UPF3A: variants seen among roughly 807,000 people sequenced by gnomAD.
UPF3A encodes the protein UPF3A regulator of nonsense mediated mRNA decay, also known as regulator of nonsense transcripts 3A.
UPF3A carries 42 observed loss-of-function variants against 53.5 expected under a neutral mutation model. The ratio of observed to expected loss-of-function variants is 0.78; its 90% CI spans 0.61 to 1.01. UPF3A has a LOEUF of 1.01. Ranked by LOEUF, UPF3A falls within the 50% of genes least tolerant of loss-of-function variation. The probability of loss-of-function intolerance (pLI) is 0.00; values close to 1 mark genes in which losing one functional copy is unlikely to be tolerated. For missense variants in UPF3A, 575 were observed against 598.0 expected (o/e 0.96, Z 0.40); for synonymous variants, 237 against 225.3 (o/e 1.05, Z -0.47).
At chr13:114,296,091 A>G (rs955821906) in intron 7 of UPF3A, among the ~76,000 whole-genome samples, 4 of 152,204 alleles carry the variant, frequency 2.6e-5, no homozygotes, top group African/African-American at 7.2e-5. Context: ...GCCTAAAGAC[A>G]GGGCTTCCAG....
chr13:114,282,820 GTTATCTC>G lies in UPF3A; in HGVS notation c.315-12_315-6del. The G allele has an allele frequency of 1.3e-6, 2 of 1,594,484 alleles. No individual in the cohort carries two copies. The highest frequency in any genetic ancestry group is 1.1e-5 in the South Asian group (1 of 88,816). On this transcript the variant is annotated splice_polypyrimidine_tract_variant and intron_variant, in intron 2 of 9. Coordinates refer to ENST00000375299, the MANE Select transcript of UPF3A (RefSeq NM_023011.4). ...GTATTTTTCACTGACCATTTTCACT[GTTATCTC>G]TTATTTCAGTCTTTATCCTCATCTC...
intron 9 of UPF3A, among the ~76,000 whole-genome samples, chr13:114,304,404 G>C (rs2086857306): frequency 6.6e-6 from 1 of 152,224 alleles, no homozygotes; most frequent in Non-Finnish European, 1.5e-5. Flanking sequence ...TACATGCTAG[G>C]CAGGGATAAG....
At chr13:114,294,177 T>A (rs2085585076) in intron 7 of UPF3A, among the ~76,000 whole-genome samples, 1 of 151,460 alleles carries the variant, frequency 6.6e-6, no homozygotes, top group African/African-American at 2.4e-5. Context: ...GCCTGAAAAA[T>A]GGAATCTGTG....
At position 114,281,773 on chromosome 13, in the gene UPF3A, C is replaced by T. The variant is rs765896619; in HGVS notation, c.134C>T (p.Pro45Leu). ...TCGCAGCAGCAGGAGGCTGAGACGC[C>T]GCCAACTTCGTCCTCCGGTTGCGGG... ...RDSQQQEAET[P>L]PTSSSGCGGG... The change falls in exon 1 of 10, where the codon CCG becomes CTG. Residue 45 changes from proline to leucine, a missense_variant. This residue lies in a region of UPF3A where 252 missense variants were observed against 182.7 expected (regional missense o/e 1.38). Coordinates refer to ENST00000375299, the MANE Select transcript of UPF3A (RefSeq NM_023011.4). 3.9e-6 allele frequency: 6 copies of T among 1,556,432 alleles called. No individual in the cohort carries two copies. The highest frequency in any genetic ancestry group is 5.2e-6 in the Non-Finnish European group (6 of 1,151,122).
intron 3 of UPF3A, chr13:114,283,316 G>C (rs968820198): frequency 6.4e-6 from 1 of 156,824 alleles, no homozygotes; most frequent in Non-Finnish European, 1.4e-5. Context: ...CACAGCATCC[G>C]GTCTATTTGT....
chr13:114,305,056 C>G lies in UPF3A; in HGVS notation c.*139C>G. On this transcript the variant is annotated 3_prime_UTR_variant, in exon 10 of 10. Transcript: ENST00000375299. ...AAAAATACAGAGGGTGACGTAGAAA[C>G]ACGCAGAAACCATTCTAAAGAAAGT... 1 of 1,116,642 alleles carries G rather than the reference C, an allele frequency of 9.0e-7. No individual in the cohort carries two copies. The highest frequency in any genetic ancestry group is 1.3e-6 in the Non-Finnish European group (1 of 764,082). The allele number at this position is 1,116,642 out of a possible 1,614,324, so 69.2% of individuals were successfully genotyped here. A position where few individuals can be genotyped will look rare whatever the true frequency, so the allele number is the denominator to read the frequency against.
At chr13:114,297,284 C>G (rs1026740399) in intron 7 of UPF3A, among the ~76,000 whole-genome samples, 1 of 147,802 alleles carries the variant, frequency 6.8e-6, no homozygotes, top group Non-Finnish European at 1.5e-5. Flanking sequence ...AAAAACTATA[C>G]AGAGAGCAGG....
At chr13:114,300,513 C>T (rs557929408) in intron 8 of UPF3A, among the ~76,000 whole-genome samples, 1 of 151,958 alleles carries the variant, frequency 6.6e-6, no homozygotes, top group East Asian at 1.9e-4. Context: ...GGATTACAGG[C>T]ACCCGCCACC....
intron 2 of UPF3A, chr13:114,282,400 C>T: frequency 4.1e-6 from 5 of 1,215,324 alleles, no homozygotes; most frequent in Non-Finnish European, 5.2e-6. Context: ...CCAGCGTTGC[C>T]CGCCCGGCGC....
chr13:114,289,163 G>A (rs548437372), intron 5 of UPF3A, among the ~76,000 whole-genome samples: 3 of 152,156 alleles, frequency 2.0e-5, no homozygotes, highest in African/African-American at 7.2e-5. Context: ...TGATGGGAGC[G>A]ATTAATTCAT....
chr13:114,304,972 A>T lies in UPF3A; in HGVS notation c.*55A>T, dbSNP rs371345781. The stretch of plus-strand genomic sequence containing the variant: ...GAGCAAGGGCATCCCAGAAACGTGT[A>T]AATGACCCCGAGTGTGACTGGGAAG... On this transcript the variant is annotated 3_prime_UTR_variant, in exon 10 of 10. Coordinates refer to ENST00000375299, the MANE Select transcript of UPF3A (RefSeq NM_023011.4). 6.4e-7 allele frequency: 1 copy of T among 1,573,708 alleles called. No homozygotes were observed. The highest frequency in any genetic ancestry group is 1.4e-5 in the African/African-American group (1 of 73,434).
chr13:114,293,509 T>A (rs1253596542), intron 7 of UPF3A, among the ~76,000 whole-genome samples: 1 of 152,220 alleles, frequency 6.6e-6, no homozygotes, highest in Non-Finnish European at 1.5e-5. Flanking sequence ...AATGAGTTTC[T>A]GTATTTCTTG....
At position 114,304,848 on chromosome 13, in the gene UPF3A, C is replaced by T. The variant is rs377347111; in HGVS notation, c.1362C>T (p.Gly454=). 5.8e-5 allele frequency: 93 copies of T among 1,613,670 alleles called. No homozygotes were observed. Among genetic ancestry groups the T allele is most frequent in the Non-Finnish European group, 7.1e-5 (84 of 1,179,826 alleles). Residue 454 remains glycine, a synonymous_variant, in exon 10 of 10, where the codon GGC becomes GGT. Coordinates refer to ENST00000375299, the MANE Select transcript of UPF3A (RefSeq NM_023011.4). The part of the protein sequence containing the change: ...PGARFRAREC[G]GNRRICKAEG... ...CTCGCTTCCGAGCGCGAGAGTGTGG[C>T]GGAAACAGGAGGATCTGCAAGGCAG...
chr13:114,291,260 C>T (rs536083325), intron 5 of UPF3A, among the ~76,000 whole-genome samples: 2 of 152,192 alleles, frequency 1.3e-5, no homozygotes, highest in South Asian at 4.2e-4. Flanking sequence ...ATATTTTAAG[C>T]CTCCCTTAAG....
At chr13:114,302,132 C>A in intron 9 of UPF3A, 107 bp downstream of exon 9, 1 of 1,144,004 alleles carries the variant, frequency 8.7e-7, no homozygotes, top group Non-Finnish European at 1.1e-6. Flanking sequence ...GAACGCAGTG[C>A]TTTGAGCATT....
chr13:114,281,693 G>A lies in UPF3A; in HGVS notation c.54G>A (p.Arg18=), dbSNP rs781035257. ...AGGLRAAVAA[R]GPSGREKLSA... ...GCCTTCGGGCGGCCGTTGCCGCGCG[G>A]GGCCCGAGCGGGAGGGAGAAGCTGT... Residue 18 remains arginine (R), a synonymous_variant, in exon 1 of 10, where the codon CGG becomes CGA. Coordinates refer to ENST00000375299, the MANE Select transcript of UPF3A (RefSeq NM_023011.4). 7.3e-5 allele frequency: 113 copies of A among 1,540,528 alleles called. 1 individual carries two copies. The South Asian group carries it at 8.8e-4, about 12-fold the overall frequency.
At chr13:114,302,097 C>A (rs1242769105) in intron 9 of UPF3A, 72 bp downstream of exon 9, 2 of 1,376,132 alleles carry the variant, frequency 1.5e-6, no homozygotes, top group Non-Finnish European at 1.9e-6. Flanking sequence ...GACCATGTCA[C>A]CCCCACTTGG....
At position 114,302,489 on chromosome 13, in the gene UPF3A, G is replaced by A. The variant is rs372805399; in HGVS notation, c.1302+464G>A. On this transcript the variant is annotated intron_variant, in intron 9 of 9. Coordinates refer to ENST00000375299, the MANE Select transcript of UPF3A (RefSeq NM_023011.4). ...CAAGCAAACAACTTTTTTTTTTCAG[G>A]AGCTAATTTTTGTTCAGGTTGCATT... Among the ~76,000 whole-genome samples, 3 of 151,906 alleles carry A rather than the reference G, an allele frequency of 2.0e-5. No homozygotes were observed. The East Asian group carries it at 5.8e-4, about 29-fold the overall frequency.
At position 114,290,508 on chromosome 13, in the gene UPF3A, G is replaced by A. The variant is rs140011147; in HGVS notation, c.632-981G>A. On this transcript the variant is annotated intron_variant, in intron 5 of 9. Transcript: ENST00000375299. ...CCCTTCCCATTTGTGTCCTTGTGTT[G>A]GTGGGATGTGGGGCCTGTCCATGTC... 2.3e-3 allele frequency among the ~76,000 whole-genome samples: 352 copies of A among 152,250 alleles called. 5 individuals carry two copies. Among genetic ancestry groups the A allele is most frequent in the Admixed American group, 0.017 (261 of 15,294 alleles).
Sources: gnomAD v4.1 joint callset for allele counts (sites outside exome capture counted in the v4.1 genomes callset) on GRCh38, gnomAD v4.1.1 for gene constraint, gnomAD v4.1.1 regional missense constraint, MANE v1.5 for transcripts, NCBI Gene and HGNC (gene_info 2026-07-23, HGNC 2026-07-21) for gene names.